Variants in TF observed in about 807,000 individuals in gnomAD.
TF encodes serotransferrin.
In TF, 55 loss-of-function variants were observed where a neutral mutation model predicts 82.4. The observed-to-expected ratio is 0.67, with a 90% confidence interval of 0.54 to 0.84. The LOEUF is 0.84. Among genes scored for constraint, TF ranks in the 40% least tolerant of loss-of-function variants. The pLI, the probability that TF is intolerant of heterozygous loss-of-function variation, is 0.00. For missense variants in TF, 737 were observed against 868.4 expected, an observed-to-expected ratio of 0.85 and a Z score of 1.90; for synonymous variants, 332 against 332.6, an observed-to-expected ratio of 1.00 and a Z score of 0.02.
chr3:133,744,090 C>G (rs1933444981), upstream of TF, among the ~76,000 whole-genome samples: 1 of 152,198 alleles, frequency 6.6e-6, no homozygotes, highest in Non-Finnish European at 1.5e-5. Context: ...TTCCCAGCAC[C>G]TGTCTTGGGC....
At chr3:133,774,262 C>T (rs1275889146) in intron 14 of TF, 1 of 152,012 alleles carries the variant, frequency 6.6e-6, no homozygotes, top group African/African-American at 2.4e-5. Context: ...CTAACTATTC[C>T]ACTTCTATGT....
chr3:133,714,631 C>T, the TF span, among the ~76,000 whole-genome samples: 3 of 152,156 alleles, frequency 2.0e-5, no homozygotes, highest in Non-Finnish European at 4.4e-5. Flanking sequence ...CTTCAGACCT[C>T]TCATTCTCTC....
the TF span, among the ~76,000 whole-genome samples, chr3:133,676,454 T>C: frequency 3.9e-5 from 6 of 152,340 alleles, no homozygotes; most frequent in South Asian, 1.0e-3. Flanking sequence ...AATGAACTCA[T>C]GCATGTGAAG....
At chr3:133,746,851 C>G (rs1284587705) in intron 1 of TF, among the ~76,000 whole-genome samples, 1 of 152,232 alleles carries the variant, frequency 6.6e-6, no homozygotes, top group African/African-American at 2.4e-5. Flanking sequence ...CTTTCAGAGG[C>G]TGATGTCCCC....
chr3:133,751,257 G>C (rs1368732149), intron 2 of TF, among the ~76,000 whole-genome samples: 2 of 137,830 alleles, frequency 1.5e-5, no homozygotes, highest in Non-Finnish European at 3.1e-5. Flanking sequence ...TTTTGAGACG[G>C]AGTTTCGCTC....
At chr3:133,770,471 G>A (rs764190765) in intron 13 of TF, 37 bp from the exon 14 acceptor site, 45 of 1,607,392 alleles carry the variant, frequency 2.8e-5, no homozygotes, top group Admixed American at 3.3e-5. Flanking sequence ...CACTCTGACC[G>A]CCTTTTTTTT....
At chr3:133,677,172 A>G in the TF span, among the ~76,000 whole-genome samples, 2 of 152,176 alleles carry the variant, frequency 1.3e-5, no homozygotes, top group Admixed American at 6.5e-5. Context: ...AACTTTCTCT[A>G]TTCGGTGAGC....
chr3:133,666,521 A>C, the TF span, among the ~76,000 whole-genome samples: 2 of 152,182 alleles, frequency 1.3e-5, no homozygotes, highest in Non-Finnish European at 2.9e-5. Context: ...ATCGCTACAG[A>C]AATAGTCTGA....
chr3:133,730,804 G>A, the TF span, among the ~76,000 whole-genome samples: 1 of 152,180 alleles, frequency 6.6e-6, no homozygotes, highest in African/African-American at 2.4e-5. Context: ...CTTCAGTTCA[G>A]TGATTCTTCT....
the TF span, among the ~76,000 whole-genome samples, chr3:133,711,466 C>T: frequency 2.0e-5 from 3 of 152,198 alleles, no homozygotes; most frequent in Admixed American, 2.0e-4. Context: ...CGAGCCTGGT[C>T]CTTTTCCAGA....
At chr3:133,701,729 G>A in the TF span, among the ~76,000 whole-genome samples, 32 of 152,294 alleles carry the variant, frequency 2.1e-4, no homozygotes, top group Middle Eastern at 6.8e-3. Flanking sequence ...GTCAGGAGCA[G>A]GGGGAAGCTC....
the TF span, among the ~76,000 whole-genome samples, chr3:133,722,270 T>C: frequency 2.6e-5 from 4 of 151,966 alleles, no homozygotes; most frequent in Non-Finnish European, 5.9e-5. Context: ...GCATGGAATA[T>C]CTTTTTCCAT....
the TF span, among the ~76,000 whole-genome samples, chr3:133,734,164 G>T: frequency 1.3e-4 from 20 of 152,288 alleles, no homozygotes; most frequent in African/African-American, 2.6e-4. Context: ...TGTGGGACAG[G>T]TATAGACGTG....
chr3:133,699,929 C>A, the TF span: 1 of 181,310 alleles, frequency 5.5e-6, no homozygotes, highest in South Asian at 1.3e-4. Flanking sequence ...TTCACATGAC[C>A]CTCTTCCTCC....
chr3:133,673,888 G>A, the TF span, among the ~76,000 whole-genome samples: 4 of 152,202 alleles, frequency 2.6e-5, no homozygotes, highest in Non-Finnish European at 5.9e-5. Flanking sequence ...CCAGGCAGAA[G>A]TCACAGACCT....
the TF span, among the ~76,000 whole-genome samples, chr3:133,725,570 G>A: frequency 9.8e-3 from 1,489 of 151,956 alleles, 11 homozygotes; most frequent in Non-Finnish European, 0.013. Flanking sequence ...AGACAATGGG[G>A]TTTTCTAGAT....
chr3:133,724,716 A>G, the TF span, among the ~76,000 whole-genome samples: 1 of 152,224 alleles, frequency 6.6e-6, no homozygotes, highest in Non-Finnish European at 1.5e-5. Context: ...TGTTTTAGAC[A>G]TGAAGTCCTT....
intron 16 of TF, chr3:133,778,166 G>A (rs539900994): frequency 8.8e-6 from 2 of 227,152 alleles, no homozygotes; most frequent in East Asian, 2.1e-4. Flanking sequence ...AAAGCAGACA[G>A]TCTGGCTCTG....
chr3:133,693,255 G>A, the TF span, among the ~76,000 whole-genome samples: 5 of 152,156 alleles, frequency 3.3e-5, no homozygotes, highest in African/African-American at 9.7e-5. Context: ...GCTCATTGGG[G>A]ATTCTAGACA....
Sources: allele counts gnomAD v4.1 joint callset (sites outside exome capture counted in the v4.1 genomes callset), GRCh38; gene constraint gnomAD v4.1.1; transcripts MANE v1.5; gene names NCBI Gene and HGNC (gene_info 2026-07-23, HGNC 2026-07-21).